Variants in SNX29 observed in about 807,000 individuals in gnomAD.
SNX29 encodes the protein sorting nexin-29.
SNX29 carries 78 observed loss-of-function variants against 102.1 expected under a neutral mutation model. The ratio of observed to expected loss-of-function variants is 0.76; its 90% CI spans 0.64 to 0.92. The LOEUF (loss-of-function observed/expected upper bound fraction) is 0.92. Among genes scored for constraint, SNX29 ranks in the 40% least tolerant of loss-of-function variants. The probability of loss-of-function intolerance (pLI) is 0.00; values close to 1 mark genes in which losing one functional copy is unlikely to be tolerated. For missense variants in SNX29, 1,280 were observed against 1,061.7 expected, an observed-to-expected ratio of 1.21 and a Z score of -2.86; for synonymous variants, 580 against 414.5, an observed-to-expected ratio of 1.40 and a Z score of -4.85.
At chr16:12,187,858 C>T (rs1229775026) in intron 13 of SNX29, among the ~76,000 whole-genome samples, 1 of 152,126 alleles carries the variant, frequency 6.6e-6, no homozygotes, top group Non-Finnish European at 1.5e-5. Context: ...CCCTCACCTT[C>T]CCATTATTTA....
chr16:12,200,234 A>G (rs999797713), intron 14 of SNX29, among the ~76,000 whole-genome samples: 2 of 152,106 alleles, frequency 1.3e-5, no homozygotes, highest in East Asian at 1.9e-4. Context: ...TTTAGCTATT[A>G]TTATTATTAT....
Position 12,096,641 on chromosome 16 carries a change from G to C in SNX29, c.1402+17726G>C, listed in dbSNP as rs77886600. The stretch of plus-strand genomic sequence containing the variant: ...GATGAATGATTGGATGGGGCAAAAC[G>C]GGAGGCAATGGGGTCATGTGGGAGT... On this transcript the variant is annotated intron_variant, in intron 11 of 20. Coordinates refer to ENST00000566228, the MANE Select transcript of SNX29 (RefSeq NM_032167.5). The surrounding 1 kb of genome is among the most constrained non-coding windows in gnomAD (Gnocchi z 4.2). Among the ~76,000 whole-genome samples the C allele has an allele frequency of 1.3e-5, 2 of 152,152 alleles. No homozygotes were observed. The highest frequency in any genetic ancestry group is 2.9e-5 in the Non-Finnish European group (2 of 68,034).
intron 14 of SNX29, among the ~76,000 whole-genome samples, chr16:12,205,632 C>T (rs1283544337): frequency 6.6e-6 from 1 of 152,230 alleles, no homozygotes; most frequent in Non-Finnish European, 1.5e-5. Flanking sequence ...CTGGTTCCAC[C>T]TTGCCATGCC....
intron 13 of SNX29, among the ~76,000 whole-genome samples, chr16:12,189,884 T>C (rs2076600386): frequency 6.6e-6 from 1 of 152,148 alleles, no homozygotes; most frequent in Admixed American, 6.5e-5. Flanking sequence ...GGCTTCTGTG[T>C]CCTTTTAAAG....
At chr16:12,534,084 C>T (rs1169931644) in intron 20 of SNX29, among the ~76,000 whole-genome samples, 1 of 152,146 alleles carries the variant, frequency 6.6e-6, no homozygotes, top group African/African-American at 2.4e-5. Context: ...CAGGGGATCC[C>T]ACTTGACCCC....
At chr16:12,480,568 G>A (rs1375371029) in intron 19 of SNX29, among the ~76,000 whole-genome samples, 2 of 152,154 alleles carry the variant, frequency 1.3e-5, no homozygotes. Context: ...GTGAGGTTCT[G>A]GGGATTTGGG....
intron 3 of SNX29, among the ~76,000 whole-genome samples, chr16:12,018,320 G>A (rs1361473017): frequency 6.6e-6 from 1 of 151,976 alleles, no homozygotes; most frequent in Non-Finnish European, 1.5e-5. Context: ...GTTCACACCT[G>A]TAGTCCTAGC....
chr16:12,420,461 G>T (rs1269659757), intron 18 of SNX29, among the ~76,000 whole-genome samples: 1 of 152,178 alleles, frequency 6.6e-6, no homozygotes, highest in Admixed American at 6.5e-5. Flanking sequence ...AAGCCCGTGG[G>T]TCTGCTGGAG....
At position 12,278,034 on chromosome 16, in the gene SNX29, G is replaced by A. The variant is rs1345403233; in HGVS notation, c.1780G>A (p.Glu594Lys). ...AAGCTCCTACGAAAGAAAGCTCATC[G>A]AGGTAAGGCCGGTGGAGTCTGTGTG... is the stretch of plus-strand genomic sequence containing the variant. ...LASSYERKLIEVAEMHGELIE... is the reference protein window; with the variant it reads ...LASSYERKLIKVAEMHGELIE... The change falls in exon 15 of 21, where the codon GAG becomes AAG. Residue 594 changes from glutamate (E) to lysine (K), a missense_variant and splice_region_variant. By Grantham distance (56) the Glu-to-Lys change is moderately conservative (BLOSUM62 1). Transcript: ENST00000566228. 2.5e-6 allele frequency: 4 copies of A among 1,596,210 alleles called. No individual in the cohort carries two copies. The South Asian group carries it at 3.4e-5, about 14-fold the overall frequency.
chr16:12,542,385 G>A (rs1249454385), intron 20 of SNX29, among the ~76,000 whole-genome samples: 1 of 152,246 alleles, frequency 6.6e-6, no homozygotes, highest in Non-Finnish European at 1.5e-5. Context: ...ACCCAGGGTG[G>A]AGTACAGTGG....
chr16:12,480,222 G>A (rs1489127500), intron 19 of SNX29, among the ~76,000 whole-genome samples: 1 of 152,214 alleles, frequency 6.6e-6, no homozygotes, highest in Non-Finnish European at 1.5e-5. Flanking sequence ...GAGGTCAGAA[G>A]TCCAAAATGA....
chr16:12,563,033 C>T (rs1253728412), intron 20 of SNX29, among the ~76,000 whole-genome samples: 1 of 152,254 alleles, frequency 6.6e-6, no homozygotes, highest in African/African-American at 2.4e-5. Flanking sequence ...TACATCATTG[C>T]AAGGGCCAAG....
At chr16:12,401,712 C>T (rs2083951650) in intron 17 of SNX29, among the ~76,000 whole-genome samples, 1 of 152,178 alleles carries the variant, frequency 6.6e-6, no homozygotes, top group Non-Finnish European at 1.5e-5. Context: ...CATGTTAAAA[C>T]TGAATGCTCC....
intron 19 of SNX29, among the ~76,000 whole-genome samples, chr16:12,510,676 A>AAAAAC (rs1183371420): frequency 2.0e-5 from 3 of 151,204 alleles, no homozygotes; most frequent in African/African-American, 7.3e-5. Flanking sequence ...CTGTCTCAAA[A>AAAAAC]AAAAGAAAAC....
chr16:12,535,478 G>A (rs570744407), intron 20 of SNX29, among the ~76,000 whole-genome samples: 1 of 152,278 alleles, frequency 6.6e-6, no homozygotes, highest in East Asian at 1.9e-4. Context: ...TAGTGTTACT[G>A]TCCCTTTTTT....
chr16:12,525,249 A>T (rs552682470), intron 20 of SNX29, among the ~76,000 whole-genome samples: 14 of 152,228 alleles, frequency 9.2e-5, no homozygotes, highest in African/African-American at 3.1e-4. Flanking sequence ...ACCAGTATTG[A>T]CTTAAATTAT....
In SNX29 at chr16:12,438,122, C is replaced by T. The variant is rs530831495; in HGVS notation, c.2037+34593C>T. ...GATTCACCTCTTGGCCTAGCTTGGG[C>T]AGGAGTGGGGAGGTGAGGGGGCAGG... On this transcript the variant is annotated intron_variant, in intron 18 of 20. Coordinates refer to ENST00000566228, the MANE Select transcript of SNX29 (RefSeq NM_032167.5). 3.9e-5 allele frequency among the ~76,000 whole-genome samples: 6 copies of T among 152,116 alleles called. No homozygotes were observed. The East Asian group carries it at 1.2e-3, about 30-fold the overall frequency.
At chr16:12,432,745 A>T (rs1189458516) in intron 18 of SNX29, among the ~76,000 whole-genome samples, 2 of 152,208 alleles carry the variant, frequency 1.3e-5, no homozygotes. Context: ...AGGGAAAAAA[A>T]GTTGACGAGA....
intron 18 of SNX29, among the ~76,000 whole-genome samples, chr16:12,419,757 C>T (rs1008443595): frequency 6.6e-6 from 1 of 152,192 alleles, no homozygotes; most frequent in African/African-American, 2.4e-5. Context: ...CTTTGACTCT[C>T]AATGGTCTAG....
Sources: allele counts gnomAD v4.1 joint callset (sites outside exome capture counted in the v4.1 genomes callset), GRCh38; gene constraint gnomAD v4.1.1; non-coding constraint Gnocchi (gnomAD v3.1); transcripts MANE v1.5; gene names NCBI Gene and HGNC (gene_info 2026-07-23, HGNC 2026-07-21).